The following PTPRA variants were observed in gnomAD, a reference collection of about 807,000 sequenced individuals.
PTPRA encodes receptor-type tyrosine-protein phosphatase alpha.
A neutral mutation model predicts 104.8 loss-of-function variants in PTPRA; 25 were observed. That is an observed-to-expected ratio of 0.24 (90% CI 0.17 to 0.33). The LOEUF (loss-of-function observed/expected upper bound fraction) is 0.33, where lower values mean the gene tolerates loss of function less well. Among genes scored for constraint, PTPRA ranks in the 10% least tolerant of loss-of-function variants. The pLI is 1.00. For synonymous variants in PTPRA, 323 were observed against 368.9 expected, an observed-to-expected ratio of 0.88 and a Z score of 1.43; for missense variants, 765 against 1,015.3, an observed-to-expected ratio of 0.75 and a Z score of 3.35.
chr20:3,013,504 C>T (rs1387972812), intron 11 of PTPRA, among the ~76,000 whole-genome samples: 1 of 151,690 alleles, frequency 6.6e-6, no homozygotes, highest in Non-Finnish European at 1.5e-5. Context: ...CCTCTGCATC[C>T]GGGGTTCAAG....
At chr20:3,020,341 AC>A (rs2064800881) in intron 13 of PTPRA, among the ~76,000 whole-genome samples, 1 of 151,650 alleles carries the variant, frequency 6.6e-6, no homozygotes, top group African/African-American at 2.4e-5. Flanking sequence ...CTCGTGATCC[AC>A]CCACCTCGGC....
Position 2,923,238 on chromosome 20 carries a change from A to T in PTPRA, c.-97A>T, listed in dbSNP as rs1045028389. The T allele has an allele frequency of 7.9e-7, 1 of 1,270,404 alleles. No individual in the cohort carries two copies. Among genetic ancestry groups the T allele is most frequent in the Non-Finnish European group, 1.0e-6 (1 of 979,538 alleles). The allele number at this position is 1,270,404 out of a possible 1,614,324, so 78.7% of individuals were successfully genotyped here. ...CAACTAAAAAAAAACAAAGGTATTTATGGAATTCCACTGAGTGGTAATGGA... is the reference window on the plus strand; with the variant it reads ...CAACTAAAAAAAAACAAAGGTATTTTTGGAATTCCACTGAGTGGTAATGGA... On this transcript the variant is annotated 5_prime_UTR_variant, in exon 2 of 24. The change abolishes an upstream ATG in the 5' untranslated region. Transcript: ENST00000399903.
chr20:2,994,661 G>A (rs2063328445), intron 9 of PTPRA, among the ~76,000 whole-genome samples: 1 of 152,156 alleles, frequency 6.6e-6, no homozygotes, highest in Non-Finnish European at 1.5e-5. Context: ...ATGCCACTCT[G>A]GTCTCCTCTA....
In PTPRA at chr20:3,027,612, C is replaced by T. The variant is rs533675608; in HGVS notation, c.1786-95C>T. 6,946 of 1,480,942 alleles carry T rather than the reference C, an allele frequency of 4.7e-3. 15 individuals carry two copies. Among genetic ancestry groups the T allele is most frequent in the Non-Finnish European group, 5.8e-3 (6,397 of 1,096,156 alleles). 91.7% of individuals were successfully genotyped at this position (1,480,942 alleles called of 1,614,324 possible). A position where few individuals can be genotyped will look rare whatever the true frequency, so the allele number is the denominator to read the frequency against. On this transcript the variant is annotated intron_variant, in intron 19 of 23. Coordinates refer to ENST00000399903, the MANE Select transcript of PTPRA (RefSeq NM_001385305.1). ...GCTCTGCATGGGCTGAGTTTGCCTCCGAGCAGTCCCCATTCCCTTCTAGTG... is the reference window on the plus strand; with the variant it reads ...GCTCTGCATGGGCTGAGTTTGCCTCTGAGCAGTCCCCATTCCCTTCTAGTG...
At chr20:2,876,126 A>G (rs1281744747) in intron 1 of PTPRA, among the ~76,000 whole-genome samples, 2 of 152,224 alleles carry the variant, frequency 1.3e-5, no homozygotes, top group Admixed American at 1.3e-4. Flanking sequence ...GGCCAAATGC[A>G]GATGCCCCTG....
Position 2,986,555 on chromosome 20 carries a change from C to T in PTPRA, c.443-210C>T, listed in dbSNP as rs1178035. 8.9e-4 allele frequency among the ~76,000 whole-genome samples: 135 copies of T among 152,274 alleles called. 2 individuals carry two copies. The highest frequency in any genetic ancestry group is 3.1e-3 in the African/African-American group (130 of 41,542). ...TCAGAGATGGGGTGAGCATGTCATC[C>T]TGGGCCCCATGCTCTCTCCCCACCT... is the stretch of plus-strand genomic sequence containing the variant. On this transcript the variant is annotated intron_variant, in intron 6 of 23. Transcript: ENST00000399903.
intron 11 of PTPRA, among the ~76,000 whole-genome samples, chr20:3,014,445 G>A (rs188681030): frequency 6.6e-6 from 1 of 152,178 alleles, no homozygotes; most frequent in Non-Finnish European, 1.5e-5. Context: ...CGAGAGCAGC[G>A]TGGCCAACAT....
chr20:2,911,276 A>G (rs139293655), intron 1 of PTPRA, among the ~76,000 whole-genome samples: 70 of 152,300 alleles, frequency 4.6e-4, no homozygotes, highest in African/African-American at 1.6e-3. Context: ...CCTGTTGTAT[A>G]CAAACCAATT....
intron 1 of PTPRA, among the ~76,000 whole-genome samples, chr20:2,910,215 A>G (rs1334872842): frequency 1.1e-5 from 1 of 92,086 alleles, no homozygotes; most frequent in Non-Finnish European, 2.1e-5. Flanking sequence ...TATATTGTAT[A>G]TGATATATAA....
chr20:3,034,077 C>T (rs2065671941), intron 20 of PTPRA, among the ~76,000 whole-genome samples: 1 of 151,992 alleles, frequency 6.6e-6, no homozygotes, highest in Non-Finnish European at 1.5e-5. Flanking sequence ...TTGAGACCAG[C>T]CTGGCCGACA....
At chr20:2,871,007 G>A (rs1186989401), upstream of PTPRA, among the ~76,000 whole-genome samples, 3 of 152,144 alleles carry the variant, frequency 2.0e-5, no homozygotes, top group Non-Finnish European at 4.4e-5. Context: ...TAGGATGGAG[G>A]GCTGGGCAGG....
chr20:2,913,045 T>C (rs965468539), intron 1 of PTPRA, among the ~76,000 whole-genome samples: 1 of 151,776 alleles, frequency 6.6e-6, no homozygotes. Flanking sequence ...CATTAGAGAG[T>C]GAGCCCCATC....
chr20:2,974,070 C>T (rs1471249653), intron 5 of PTPRA, among the ~76,000 whole-genome samples: 2 of 151,508 alleles, frequency 1.3e-5, no homozygotes, highest in Admixed American at 6.6e-5. Context: ...CCTGCCTCAG[C>T]CTCCCAAGTA....
chr20:2,994,141 G>A (rs551104700), intron 9 of PTPRA, among the ~76,000 whole-genome samples: 1 of 152,304 alleles, frequency 6.6e-6, no homozygotes, highest in Admixed American at 6.5e-5. Flanking sequence ...CCTTTACCTA[G>A]TACAGTTGCC....
At position 2,884,935 on chromosome 20, in the gene PTPRA, G is replaced by A. The variant is rs555593689; in HGVS notation, c.-129+11175G>A. 6.4e-3 allele frequency among the ~76,000 whole-genome samples: 966 copies of A among 151,392 alleles called. 8 individuals are homozygous for A. Among genetic ancestry groups the A allele is most frequent in the Middle Eastern group, 0.031 (9 of 290 alleles). ...TGCCATTCTCCTGCCTCAGCCTCCC[G>A]AGTAGCTGGGACTACAGGCGCCCCC... On this transcript the variant is annotated intron_variant, in intron 1 of 23. Transcript: ENST00000399903.
intron 3 of PTPRA, among the ~76,000 whole-genome samples, chr20:2,961,839 C>T (rs1365446251): frequency 6.6e-6 from 1 of 152,114 alleles, no homozygotes; most frequent in East Asian, 1.9e-4. Flanking sequence ...GTAGCTGTCC[C>T]TTTCCAGTAT....
At chr20:3,011,941 A>C (rs1221097249) in intron 11 of PTPRA, among the ~76,000 whole-genome samples, 1 of 152,202 alleles carries the variant, frequency 6.6e-6, no homozygotes, top group African/African-American at 2.4e-5. Flanking sequence ...GTGCTTGCCC[A>C]AAGACCAGAT....
At chr20:2,910,309 ATAT>A (rs1287614493) in intron 1 of PTPRA, among the ~76,000 whole-genome samples, 1 of 99,572 alleles carries the variant, frequency 1.0e-5, no homozygotes, top group African/African-American at 3.4e-5. Context: ...TATATTTTAT[ATAT>A]TATAATATAT....
At chr20:3,003,228 C>T (rs566166656) in intron 9 of PTPRA, among the ~76,000 whole-genome samples, 1 of 152,326 alleles carries the variant, frequency 6.6e-6, no homozygotes, top group African/African-American at 2.4e-5. Flanking sequence ...TGATTCCCCA[C>T]TCTTTGCTCT....
Sources: allele counts gnomAD v4.1 joint callset (sites outside exome capture counted in the v4.1 genomes callset), GRCh38; gene constraint gnomAD v4.1.1; transcripts MANE v1.5; gene names NCBI Gene and HGNC (gene_info 2026-07-23, HGNC 2026-07-21).